Variants in AGBL1 observed in about 807,000 individuals in gnomAD.
AGBL1 encodes AGBL carboxypeptidase 1.
In AGBL1, 130 loss-of-function variants were observed where a neutral mutation model predicts 118.9. That is an observed-to-expected ratio of 1.09 (90% CI 0.95 to 1.26). The LOEUF (loss-of-function observed/expected upper bound fraction) is 1.26. Ranked by LOEUF, AGBL1 falls within the 50% of genes most tolerant of loss-of-function variation. The probability of loss-of-function intolerance (pLI) is 0.00; values close to 1 mark genes in which losing one functional copy is unlikely to be tolerated. For missense variants in AGBL1, 1,584 were observed against 1,298.1 expected, an observed-to-expected ratio of 1.22 and a Z score of -3.38; for synonymous variants, 555 against 478.9, an observed-to-expected ratio of 1.16 and a Z score of -2.08.
At chr15:86,933,188 C>T (rs1370078538) in intron 23 of AGBL1, among the ~76,000 whole-genome samples, 9 of 152,166 alleles carry the variant, frequency 5.9e-5, no homozygotes, top group Admixed American at 5.9e-4. Context: ...ACGTGGCTGA[C>T]TCCATCCTGC....
At chr15:86,149,219 T>C (rs938557884) in intron 3 of AGBL1, among the ~76,000 whole-genome samples, 5 of 152,128 alleles carry the variant, frequency 3.3e-5, no homozygotes, top group Non-Finnish European at 7.4e-5. Flanking sequence ...ACTGCATCAA[T>C]TAACGGGCAA....
At chr15:86,453,347 A>C (rs1488672425) in intron 18 of AGBL1, among the ~76,000 whole-genome samples, 1 of 152,238 alleles carries the variant, frequency 6.6e-6, no homozygotes, top group African/African-American at 2.4e-5. Context: ...TAAATTAAAT[A>C]TAGATGCATG....
chr15:86,916,325 A>AT (rs996087645), downstream of AGBL1, among the ~76,000 whole-genome samples: 51 of 151,896 alleles, frequency 3.4e-4, no homozygotes, highest in Non-Finnish European at 5.4e-4. Flanking sequence ...GCTCACAGCA[A>AT]TTTTTTTTTA....
At chr15:86,992,303 C>T (rs527502815) in intron 24 of AGBL1, among the ~76,000 whole-genome samples, 11 of 152,170 alleles carry the variant, frequency 7.2e-5, no homozygotes, top group South Asian at 4.2e-4. Flanking sequence ...CACCCGGCCT[C>T]GGCTCCAACA....
chr15:86,591,336 A>G (rs560222554), intron 21 of AGBL1, among the ~76,000 whole-genome samples: 3 of 152,238 alleles, frequency 2.0e-5, no homozygotes, highest in Admixed American at 6.5e-5. Flanking sequence ...CTCTAATTCA[A>G]TTCAGTTCTG....
intron 22 of AGBL1, among the ~76,000 whole-genome samples, chr15:86,834,840 C>T (rs1266401407): frequency 6.6e-6 from 1 of 152,154 alleles, no homozygotes; most frequent in East Asian, 1.9e-4. Flanking sequence ...ATGCACAAGC[C>T]AGAGGTGTGG....
intron 18 of AGBL1, among the ~76,000 whole-genome samples, chr15:86,492,387 C>T (rs529172594): frequency 6.6e-4 from 101 of 151,932 alleles, no homozygotes; most frequent in African/African-American, 2.4e-3. Context: ...GTCAGGAGTT[C>T]AAGACCAGTG....
At chr15:86,939,571 T>G (rs1281811505) in intron 23 of AGBL1, 1 of 152,256 alleles carries the variant, frequency 6.6e-6, no homozygotes, top group East Asian at 1.9e-4. Flanking sequence ...TCAACACCCC[T>G]TAATAAACTC....
chr15:86,645,123 ATTATC>A (rs1311725447), intron 21 of AGBL1, among the ~76,000 whole-genome samples: 3 of 152,222 alleles, frequency 2.0e-5, no homozygotes, highest in Admixed American at 6.5e-5. Flanking sequence ...ACATGTTAAT[ATTATC>A]TTCTTAATGT....
intron 23 of AGBL1, among the ~76,000 whole-genome samples, chr15:86,963,249 T>A (rs1418181030): frequency 6.6e-6 from 1 of 152,098 alleles, no homozygotes; most frequent in Non-Finnish European, 1.5e-5. Context: ...GAAAGACATT[T>A]AATGGCATGA....
intron 5 of AGBL1, among the ~76,000 whole-genome samples, chr15:86,196,781 C>T (rs920493558): frequency 2.0e-5 from 3 of 151,870 alleles, no homozygotes; most frequent in Non-Finnish European, 2.9e-5. Context: ...AAACCTTAAT[C>T]CTATAGGACT....
In AGBL1 at chr15:86,750,362, A is replaced by G. The variant is rs28703985; in HGVS notation, c.3158+75926A>G. Among the ~76,000 whole-genome samples the G allele has an allele frequency of 9.4e-3, 1,431 of 152,178 alleles. 18 individuals are homozygous for G. The highest frequency in any genetic ancestry group is 0.031 in the African/African-American group (1,294 of 41,554). On this transcript the variant is annotated intron_variant, in intron 22 of 22. Transcript: ENST00000614907. The stretch of plus-strand genomic sequence containing the variant: ...GTATACAATGTGTAATGATCAAATC[A>G]GGGTAATTGACATTTTATTTTTCAG...
At chr15:86,657,774 T>C (rs542582598) in intron 21 of AGBL1, among the ~76,000 whole-genome samples, 1 of 152,018 alleles carries the variant, frequency 6.6e-6, no homozygotes, top group East Asian at 1.9e-4. Flanking sequence ...AGTCTCCTAC[T>C]TCTGAGATTG....
At chr15:86,735,663 T>TATATATATATAG in intron 22 of AGBL1, among the ~76,000 whole-genome samples, 1 of 151,288 alleles carries the variant, frequency 6.6e-6, no homozygotes, top group Admixed American at 6.6e-5. Flanking sequence ...GAGATATATA[T>TATATATATATAG]ATATATTTTA....
intron 22 of AGBL1, among the ~76,000 whole-genome samples, chr15:86,674,834 C>G (rs1281715410): frequency 6.6e-6 from 1 of 152,048 alleles, no homozygotes; most frequent in Non-Finnish European, 1.5e-5. Flanking sequence ...CACCTGGAGA[C>G]AAGAAATGTT....
In AGBL1 at chr15:86,921,750, G is replaced by C. The variant is rs150583908; in HGVS notation, c.3222-66237G>C. 4.9e-3 allele frequency among the ~76,000 whole-genome samples: 740 copies of C among 152,276 alleles called. 6 individuals carry two copies. Among genetic ancestry groups the C allele is most frequent in the African/African-American group, 0.017 (713 of 41,540 alleles). The stretch of plus-strand genomic sequence containing the variant: ...GACTGTCTGTGGCCAAGGCTGTAAT[G>C]TCAAGGCGCCTGTGGCATGTCCACC... On this transcript the variant is annotated intron_variant, in intron 23 of 24. Transcript: ENST00000441037.
chr15:86,828,324 C>T (rs535993845), intron 22 of AGBL1, among the ~76,000 whole-genome samples: 1 of 152,162 alleles, frequency 6.6e-6, no homozygotes, highest in South Asian at 2.1e-4. Flanking sequence ...GTCCATGTCA[C>T]AATCTCAGAA....
At chr15:86,321,909 T>C (rs1209761471) in intron 17 of AGBL1, among the ~76,000 whole-genome samples, 1 of 152,176 alleles carries the variant, frequency 6.6e-6, no homozygotes, top group African/African-American at 2.4e-5. Context: ...CCATGAATTA[T>C]TCAATACTTT....
intron 24 of AGBL1, among the ~76,000 whole-genome samples, chr15:86,993,954 A>G (rs1393498247): frequency 1.3e-5 from 2 of 152,128 alleles, no homozygotes; most frequent in East Asian, 3.9e-4. Flanking sequence ...TGAGTTCTAC[A>G]GGAGATCCTT....
Sources: gnomAD v4.1 joint callset for allele counts (sites outside exome capture counted in the v4.1 genomes callset) on GRCh38, gnomAD v4.1.1 for gene constraint, MANE v1.5 for transcripts, NCBI Gene and HGNC (gene_info 2026-07-23, HGNC 2026-07-21) for gene names.